HERC6: variants seen among roughly 807,000 people sequenced by gnomAD.
HERC6 encodes the protein probable E3 ubiquitin-protein ligase HERC6.
Under a neutral mutation model 114.5 loss-of-function variants are expected in HERC6, and 101 were observed. The observed-to-expected ratio is 0.88, with a 90% CI of 0.75 to 1.04. The LOEUF (loss-of-function observed/expected upper bound fraction) is 1.04. Among genes scored for constraint, HERC6 ranks in the 50% least tolerant of loss-of-function variants. The probability of loss-of-function intolerance (pLI) is 0.00; values close to 1 mark genes in which losing one functional copy is unlikely to be tolerated. For missense variants in HERC6, 1,133 were observed against 1,230.9 expected, an observed-to-expected ratio of 0.92 and a Z score of 1.19; for synonymous variants, 408 against 436.2, an observed-to-expected ratio of 0.94 and a Z score of 0.81.
At chr4:88,430,366 C>T (rs1055354963) in intron 16 of HERC6, among the ~76,000 whole-genome samples, 16 of 151,468 alleles carry the variant, frequency 1.1e-4, no homozygotes, top group African/African-American at 3.2e-4. Flanking sequence ...CCAAGGTGGG[C>T]GGATTACCAG....
At chr4:88,384,140 G>A (rs944718772) in intron 2 of HERC6, among the ~76,000 whole-genome samples, 10 of 152,214 alleles carry the variant, frequency 6.6e-5, no homozygotes, top group African/African-American at 2.4e-4. Flanking sequence ...CATTAAGATA[G>A]ACCACCCATT....
intron 22 of HERC6, 69 bp from the exon 23 acceptor site, chr4:88,442,161 GATTA>G: frequency 3.8e-6 from 4 of 1,053,508 alleles, no homozygotes; most frequent in Non-Finnish European, 5.7e-6. Context: ...TGAATGAAGT[GATTA>G]ATTTCTTCCT....
chr4:88,405,528 C>G (rs1233238172), intron 9 of HERC6, 26 bp from the exon 10 acceptor site: 4 of 1,397,270 alleles, frequency 2.9e-6, no homozygotes, highest in Non-Finnish European at 3.9e-6. Context: ...TATGTTGTGA[C>G]TTACCCCTTG....
chr4:88,404,066 G>A (rs187660155), intron 8 of HERC6, among the ~76,000 whole-genome samples: 14 of 152,076 alleles, frequency 9.2e-5, no homozygotes, highest in Admixed American at 7.2e-4. Context: ...CTGTCTCTAT[G>A]AATTTGCCTG....
chr4:88,397,301 G>A (rs192546232), intron 7 of HERC6, among the ~76,000 whole-genome samples: 2,739 of 151,140 alleles, frequency 0.018, 109 homozygotes, highest in African/African-American at 0.063. Context: ...TAGTAGAGAT[G>A]GGGTTTCTCC....
chr4:88,406,241 G>C (rs1735809209), intron 10 of HERC6, among the ~76,000 whole-genome samples: 1 of 152,238 alleles, frequency 6.6e-6, no homozygotes, highest in Non-Finnish European at 1.5e-5. Flanking sequence ...TTGCTGATCT[G>C]TCTGCAGCTA....
chr4:88,401,697 T>G (rs1363333632), intron 8 of HERC6, among the ~76,000 whole-genome samples: 2 of 152,156 alleles, frequency 1.3e-5, no homozygotes, highest in South Asian at 2.1e-4. Context: ...GCTTCAATTT[T>G]CAGTGATGCA....
At chr4:88,442,207 T>A (rs1256661651) in intron 22 of HERC6, 27 bp from the exon 23 acceptor site, 1 of 1,517,384 alleles carries the variant, frequency 6.6e-7, no homozygotes, top group Non-Finnish European at 9.0e-7. Flanking sequence ...CTATGAAATA[T>A]CTTAACCAAA....
chr4:88,383,232 G>A lies in HERC6; in HGVS notation c.211G>A (p.Ala71Thr), dbSNP rs1184803679. The A allele has an allele frequency of 1.2e-6, 2 of 1,610,432 alleles. No homozygotes were observed. The highest frequency in any genetic ancestry group is 1.7e-6 in the Non-Finnish European group (2 of 1,178,434). The change falls in exon 2 of 23, where the codon GCA becomes ACA. Residue 71 changes from alanine (A) to threonine (T), a missense_variant. By Grantham distance (58) the Ala-to-Thr change is moderately conservative. Around this residue, in one of 3 missense-constraint regions of HERC6, gnomAD observed 735 missense variants for 754.0 expected, o/e 0.97. Transcript: ENST00000264346. ...QRGELPEPIQ[A>T]LETLIVDLVS... Reference sequence around the variant, plus strand: ...TTTGTTTCCCAAAGAACCAATTCAGGCATTGGAAACCCTAATTGTTGATCT... The same window carrying A: ...TTTGTTTCCCAAAGAACCAATTCAGACATTGGAAACCCTAATTGTTGATCT...
At chr4:88,431,009 A>G (rs1738141657) in intron 16 of HERC6, among the ~76,000 whole-genome samples, 153 bp from the exon 17 acceptor site, 1 of 152,212 alleles carries the variant, frequency 6.6e-6, no homozygotes, top group African/African-American at 2.4e-5. Flanking sequence ...CTCAGCAGCA[A>G]ACTGAGGGAA....
chr4:88,433,018 G>T (rs1181098910), intron 17 of HERC6, among the ~76,000 whole-genome samples: 1 of 151,994 alleles, frequency 6.6e-6, no homozygotes, highest in Non-Finnish European at 1.5e-5. Context: ...AACCTGGGAG[G>T]CAGAGGTTGC....
rs1412466168 is a variant in HERC6 at position 88,379,865 on chromosome 4, AATATATATAATATATAAAT to A, written c.199+772_199+790del. The stretch of plus-strand genomic sequence containing the variant: ...TATATAAATATATATATAGCATATA[AATATATATAATATATAAAT>A]ATATATATAATATATAAATATATAT... On this transcript the variant is annotated intron_variant, in intron 1 of 22. Transcript: ENST00000264346. 3.3e-4 allele frequency among the ~76,000 whole-genome samples: 20 copies of A among 61,350 alleles called. 4 individuals are homozygous for A. Among genetic ancestry groups the A allele is most frequent in the African/African-American group, 4.9e-4 (7 of 14,356 alleles). The allele number at this position is 61,350 out of a possible 152,430, so 40.2% of individuals were successfully genotyped here. A position where few individuals can be genotyped will look rare whatever the true frequency, so the allele number is the denominator to read the frequency against.
intron 12 of HERC6, among the ~76,000 whole-genome samples, chr4:88,414,323 TA>T (rs1485351382): frequency 7.0e-6 from 1 of 142,442 alleles, no homozygotes; most frequent in Non-Finnish European, 1.5e-5. Flanking sequence ...TTTTTTTTTT[TA>T]AATCAGCCAT....
chr4:88,417,453 T>G lies in HERC6; in HGVS notation c.1587T>G (p.Ser529=). 6.2e-7 allele frequency: 1 copy of G among 1,610,612 alleles called. No individual in the cohort carries two copies. The highest frequency in any genetic ancestry group is 8.5e-7 in the Non-Finnish European group (1 of 1,178,312). ...LKKCWAFLQE[S]SLNPLIQMLK... Reference sequence around the variant, plus strand: ...AGTGTTGGGCATTTTTGCAAGAATCTTCTCTGAATCCGCTGATCCAGATGC... The same window carrying G: ...AGTGTTGGGCATTTTTGCAAGAATCGTCTCTGAATCCGCTGATCCAGATGC... Residue 529 remains serine (S), a synonymous_variant, in exon 13 of 23, where the codon TCT becomes TCG. Coordinates refer to ENST00000264346, the MANE Select transcript of HERC6 (RefSeq NM_017912.4).
chr4:88,428,159 A>G (rs1737819393), intron 15 of HERC6, among the ~76,000 whole-genome samples: 1 of 152,204 alleles, frequency 6.6e-6, no homozygotes, highest in Non-Finnish European at 1.5e-5. Flanking sequence ...TACAGCTCAC[A>G]TTATCCCTGA....
chr4:88,394,388 A>C (rs1735096751), intron 5 of HERC6, among the ~76,000 whole-genome samples: 1 of 147,836 alleles, frequency 6.8e-6, no homozygotes, highest in South Asian at 2.2e-4. Context: ...CAGGAGAATC[A>C]ATTGAACCCA....
chr4:88,381,862 T>C (rs1282602998), intron 1 of HERC6, among the ~76,000 whole-genome samples: 1 of 152,038 alleles, frequency 6.6e-6, no homozygotes, highest in East Asian at 1.9e-4. Flanking sequence ...GGCTGACCCT[T>C]TTCTTGGTGC....
Position 88,393,597 on chromosome 4 carries a change from G to A in HERC6, c.759+15G>A. The A allele has an allele frequency of 6.4e-7, 1 of 1,563,806 alleles. No homozygotes were observed. The highest frequency in any genetic ancestry group is 8.8e-7 in the Non-Finnish European group (1 of 1,138,276). On this transcript the variant is annotated intron_variant, in intron 5 of 22. Transcript: ENST00000264346. ...TGCTTACCCAGGTAATCCAAAACGT[G>A]TTGCTATTTTTTTGAGTTCCAGAGA...
chr4:88,408,933 C>T (rs1043294192), intron 11 of HERC6, among the ~76,000 whole-genome samples: 7 of 152,058 alleles, frequency 4.6e-5, no homozygotes, highest in African/African-American at 1.4e-4. Context: ...TGCTGACTGG[C>T]TGAGTGAGAG....
Sources: allele counts gnomAD v4.1 joint callset (sites outside exome capture counted in the v4.1 genomes callset), GRCh38; gene constraint gnomAD v4.1.1; regional missense constraint gnomAD v4.1.1; transcripts MANE v1.5; gene names NCBI Gene and HGNC (gene_info 2026-07-23, HGNC 2026-07-21).